Variants in CEP85L observed in about 807,000 individuals in gnomAD.
The protein encoded by CEP85L is centrosomal protein of 85 kDa-like.
A neutral mutation model predicts 100.3 loss-of-function variants in CEP85L; 60 were observed. The observed-to-expected ratio is 0.60, with a 90% confidence interval of 0.49 to 0.74. CEP85L has a LOEUF of 0.74. CEP85L is among the 30% of genes least tolerant of loss of function. The pLI is 0.00. For synonymous variants in CEP85L, 319 were observed against 322.7 expected (o/e 0.99, Z 0.12); for missense variants, 973 against 936.2 (o/e 1.04, Z -0.51).
At chr6:118,699,456 A>G (rs1777340673) in intron 1 of CEP85L, among the ~76,000 whole-genome samples, 1 of 139,354 alleles carries the variant, frequency 7.2e-6, no homozygotes, top group South Asian at 2.2e-4. Context: ...CCTTGTCTCA[A>G]AAAAAAAAAA....
At chr6:118,519,092 G>A (rs560154149) in intron 4 of CEP85L, among the ~76,000 whole-genome samples, 1 of 152,202 alleles carries the variant, frequency 6.6e-6, no homozygotes, top group Admixed American at 6.5e-5. Context: ...TGTGGTCCGA[G>A]AGACTAAATG....
At chr6:118,709,798 A>G (rs1487653744) in intron 1 of CEP85L, among the ~76,000 whole-genome samples, 2 of 152,156 alleles carry the variant, frequency 1.3e-5, no homozygotes, top group Non-Finnish European at 2.9e-5. Flanking sequence ...AGGGCTGCTT[A>G]TCAGGACTCC....
intron 5 of CEP85L, among the ~76,000 whole-genome samples, chr6:118,500,737 C>G (rs1300491206): frequency 1.3e-5 from 2 of 152,180 alleles, no homozygotes; most frequent in Non-Finnish European, 2.9e-5. Context: ...GCAACAAAAT[C>G]GGGTGCTCAA....
intron 1 of CEP85L, among the ~76,000 whole-genome samples, chr6:118,637,932 C>T (rs1254051937): frequency 6.6e-6 from 1 of 151,974 alleles, no homozygotes; most frequent in Admixed American, 6.6e-5. Context: ...CACTGGTAAG[C>T]AAGTAGTATC....
At chr6:118,613,974 A>G (rs958147716) in intron 2 of CEP85L, among the ~76,000 whole-genome samples, 2 of 152,198 alleles carry the variant, frequency 1.3e-5, no homozygotes, top group African/African-American at 4.8e-5. Flanking sequence ...ACACGAAAAC[A>G]ATCCTTAACA....
chr6:118,681,126 A>G (rs1212607506), intron 1 of CEP85L, among the ~76,000 whole-genome samples: 1 of 152,232 alleles, frequency 6.6e-6, no homozygotes, highest in East Asian at 1.9e-4. Context: ...TTTTACCAGT[A>G]ATTCAACATA....
chr6:118,654,149 C>CA (rs1775692823), upstream of CEP85L, among the ~76,000 whole-genome samples: 2 of 152,104 alleles, frequency 1.3e-5, no homozygotes, highest in African/African-American at 2.4e-5. Flanking sequence ...TGCAGTCACT[C>CA]ATGCCTGTAA....
chr6:118,559,185 A>G (rs1218771930), intron 3 of CEP85L: 7 of 861,588 alleles, frequency 8.1e-6, no homozygotes, highest in Admixed American at 5.1e-5. Context: ...CTTCCTGAGT[A>G]GAAGAGTTTC....
chr6:118,651,233 G>A lies in CEP85L; in HGVS notation c.37C>T (p.Arg13Trp). 2 of 1,495,574 alleles carry A rather than the reference G, an allele frequency of 1.3e-6. No individual in the cohort carries two copies. Among genetic ancestry groups the A allele is most frequent in the Non-Finnish European group, 1.8e-6 (2 of 1,128,794 alleles). 92.6% of individuals were successfully genotyped at this position (1,495,574 alleles called of 1,614,324 possible). A position where few individuals can be genotyped will look rare whatever the true frequency, so the allele number is the denominator to read the frequency against. Residue 13 changes from arginine (R) to tryptophan (W), a missense_variant, in exon 1 of 13, where the codon CGG becomes TGG. Physicochemically the swap from Arg to Trp is moderately radical, Grantham distance 101. Around this residue, in one of 3 missense-constraint regions of CEP85L, gnomAD observed 79 missense variants for 73.3 expected, o/e 1.08. Transcript: ENST00000368491. The stretch of plus-strand genomic sequence containing the variant: ...CTGCGGGCTCCGCCGGGGCTATCCC[G>A]GCCGCTGGCCTCCGGAGCCAGGAAG... ...GRFLAPEASG[R>W]DSPGGARSFP...
At chr6:118,707,927 C>A (rs1777648277) in intron 1 of CEP85L, among the ~76,000 whole-genome samples, 1 of 124,892 alleles carries the variant, frequency 8.0e-6, no homozygotes, top group Non-Finnish European at 1.6e-5. Context: ...AAGACCAATA[C>A]AACCTATTAC....
intron 2 of CEP85L, among the ~76,000 whole-genome samples, chr6:118,575,420 C>T (rs1273222729): frequency 6.6e-6 from 1 of 152,150 alleles, no homozygotes; most frequent in Non-Finnish European, 1.5e-5. Context: ...ATGTCAATGA[C>T]AAAAGTCCTG....
At chr6:118,551,053 T>G (rs1778513698) in intron 3 of CEP85L, among the ~76,000 whole-genome samples, 1 of 151,850 alleles carries the variant, frequency 6.6e-6, no homozygotes, top group Admixed American at 6.6e-5. Flanking sequence ...GCTAAAATAC[T>G]CATGCCTTCA....
chr6:118,632,933 A>G (rs1369962590), intron 1 of CEP85L, among the ~76,000 whole-genome samples: 1 of 152,242 alleles, frequency 6.6e-6, no homozygotes, highest in African/African-American at 2.4e-5. Context: ...CTGCTCTAGA[A>G]TAATTGATAG....
Position 118,697,234 on chromosome 6 carries a change from T to C in CEP85L, c.-28+12802A>G, listed in dbSNP as rs558734595. 2.4e-3 allele frequency among the ~76,000 whole-genome samples: 365 copies of C among 152,326 alleles called. 2 individuals carry two copies. Among genetic ancestry groups the C allele is most frequent in the Admixed American group, 2.2e-3 (34 of 15,298 alleles). On this transcript the variant is annotated intron_variant, in intron 1 of 13. Coordinates refer to the CEP85L transcript ENST00000368488. The stretch of plus-strand genomic sequence containing the variant: ...ACACCTGTACAAATCTGAAGTTTTG[T>C]TCACAAAGAAGGGGTATAGCTATTG...
intron 4 of CEP85L, among the ~76,000 whole-genome samples, chr6:118,514,480 G>A (rs1053777673): frequency 1.4e-5 from 2 of 146,782 alleles, no homozygotes; most frequent in East Asian, 2.0e-4. Context: ...AGCTGAGATC[G>A]TGCCATTGCA....
chr6:118,478,544 A>G (rs1773555096), intron 10 of CEP85L, among the ~76,000 whole-genome samples: 1 of 152,148 alleles, frequency 6.6e-6, no homozygotes, highest in Non-Finnish European at 1.5e-5. Context: ...AAAAAAGAAA[A>G]GAAAACCAAA....
intron 2 of CEP85L, among the ~76,000 whole-genome samples, chr6:118,571,860 T>C (rs1027947137): frequency 6.6e-6 from 1 of 152,108 alleles, no homozygotes; most frequent in Non-Finnish European, 1.5e-5. Context: ...TAATTTTGTT[T>C]TGTTTTGTTT....
At chr6:118,501,960 C>G (rs752480438) in intron 5 of CEP85L, 13 of 888,368 alleles carry the variant, frequency 1.5e-5, no homozygotes, top group Non-Finnish European at 1.8e-5. Context: ...TTGACTGCAT[C>G]ATGAAGGAAT....
chr6:118,609,857 T>C (rs953697372), intron 2 of CEP85L, among the ~76,000 whole-genome samples: 8 of 151,932 alleles, frequency 5.3e-5, no homozygotes, highest in South Asian at 2.1e-4. Context: ...ACCCAGGACA[T>C]ACCAGTTCCT....
Sources: gnomAD v4.1 joint callset for allele counts (sites outside exome capture counted in the v4.1 genomes callset) on GRCh38, gnomAD v4.1.1 for gene constraint, gnomAD v4.1.1 regional missense constraint, MANE v1.5 for transcripts, NCBI Gene and HGNC (gene_info 2026-07-23, HGNC 2026-07-21) for gene names.